The following SHISA6 variants were observed in gnomAD, a reference collection of about 807,000 sequenced individuals.
The protein encoded by SHISA6 is shisa family member 6, also known as protein shisa-6.
A neutral mutation model predicts 47.9 loss-of-function variants in SHISA6; 22 were observed. That is an observed-to-expected ratio of 0.46 (90% CI 0.33 to 0.66). The LOEUF is 0.66. Among genes scored for constraint, SHISA6 ranks in the 30% least tolerant of loss-of-function variants. SHISA6 has a pLI of 0.02. For missense variants in SHISA6, 680 were observed against 764.6 expected, an observed-to-expected ratio of 0.89 and a Z score of 1.30; for synonymous variants, 388 against 337.8, an observed-to-expected ratio of 1.15 and a Z score of -1.63.
intron 3 of SHISA6, among the ~76,000 whole-genome samples, chr17:11,510,904 C>T (rs531686013): frequency 2.0e-5 from 3 of 152,206 alleles, no homozygotes; most frequent in East Asian, 3.9e-4. Context: ...ACTCTAAAAC[C>T]CTGAGGTCAG....
chr17:11,352,472 G>A (rs778782191), intron 2 of SHISA6, among the ~76,000 whole-genome samples: 1 of 152,232 alleles, frequency 6.6e-6, no homozygotes, highest in Non-Finnish European at 1.5e-5. Context: ...GTGACTTCAA[G>A]TGGACTGCAA....
At chr17:11,435,045 A>C (rs2142292663) in intron 3 of SHISA6, among the ~76,000 whole-genome samples, 1 of 152,230 alleles carries the variant, frequency 6.6e-6, no homozygotes, top group South Asian at 2.1e-4. Context: ...TGAGGTCACA[A>C]GCGTGGGGCC....
intron 3 of SHISA6, among the ~76,000 whole-genome samples, chr17:11,497,342 T>C (rs906228553): frequency 1.3e-5 from 2 of 152,116 alleles, no homozygotes; most frequent in East Asian, 1.9e-4. Context: ...ATCTGATTTA[T>C]GGGTTAAAAT....
intron 2 of SHISA6, among the ~76,000 whole-genome samples, chr17:11,271,084 G>T (rs1225126676): frequency 6.6e-6 from 1 of 152,110 alleles, no homozygotes; most frequent in Non-Finnish European, 1.5e-5. Context: ...AAGCTCGGCT[G>T]TCAGGGAGAG....
intron 2 of SHISA6, among the ~76,000 whole-genome samples, chr17:11,278,238 C>A (rs1448533984): frequency 2.0e-5 from 3 of 152,166 alleles, no homozygotes. Context: ...TCTAAGGATG[C>A]TGTTTTTCCC....
At chr17:11,378,634 C>T (rs1481141503) in intron 2 of SHISA6, among the ~76,000 whole-genome samples, 1 of 152,158 alleles carries the variant, frequency 6.6e-6, no homozygotes, top group Non-Finnish European at 1.5e-5. Flanking sequence ...AACATTAACT[C>T]GGTTCTCTTT....
intron 3 of SHISA6, among the ~76,000 whole-genome samples, chr17:11,448,029 TCACCCAGGAC>T (rs2142302788): frequency 6.6e-6 from 1 of 152,240 alleles, no homozygotes; most frequent in Non-Finnish European, 1.5e-5. Context: ...CGATCGTGAC[TCACCCAGGAC>T]CTGGCATGTC....
In SHISA6 at chr17:11,561,757, C is replaced by G. The variant is rs1314209191; in HGVS notation, c.*3453C>G. 6.6e-6 allele frequency: 1 copy of G among 152,196 alleles called. No individual in the cohort carries two copies. The highest frequency in any genetic ancestry group is 1.5e-5 in the Non-Finnish European group (1 of 68,066). The allele number at this position is 152,196 out of a possible 1,614,324, so 9.4% of individuals were successfully genotyped here. A position where few individuals can be genotyped will look rare whatever the true frequency, so the allele number is the denominator to read the frequency against. On this transcript the variant is annotated 3_prime_UTR_variant, in exon 6 of 6. Transcript: ENST00000441885. ...CCATTCCTAATTTCTTTTCCCTGGT[C>G]TTGCTATAATCTCCAGCTCTAAAAA... is the stretch of plus-strand genomic sequence containing the variant.
chr17:11,502,205 C>A (rs923145127), intron 3 of SHISA6, among the ~76,000 whole-genome samples: 1 of 147,988 alleles, frequency 6.8e-6, no homozygotes, highest in Non-Finnish European at 1.5e-5. Context: ...GTCAGGAGAT[C>A]GAGACCATCC....
At position 11,554,771 on chromosome 17, in the gene SHISA6, G is replaced by A. The variant is rs552320793; in HGVS notation, c.953-969G>A. Among the ~76,000 whole-genome samples, 10 of 152,074 alleles carry A rather than the reference G, an allele frequency of 6.6e-5. No individual in the cohort carries two copies. The East Asian group carries it at 1.9e-3, about 30-fold the overall frequency. On this transcript the variant is annotated intron_variant, in intron 4 of 5. Coordinates refer to ENST00000441885, the MANE Select transcript of SHISA6 (RefSeq NM_207386.4). ...GTCTGTGAAGCACTGAGGCATGCTT[G>A]TCTTCTTCCCCAGGATCTCCAGCTC...
intron 1 of SHISA6, 34 bp from the exon 2 acceptor site, chr17:11,263,332 G>A (rs376606019): frequency 3.9e-6 from 6 of 1,550,138 alleles, no homozygotes; most frequent in African/African-American, 2.7e-5. Context: ...CACCTGCTCA[G>A]TGAATCTCAT....
chr17:11,410,028 A>G (rs1196283182), intron 3 of SHISA6, among the ~76,000 whole-genome samples: 2 of 152,224 alleles, frequency 1.3e-5, no homozygotes, highest in African/African-American at 4.8e-5. Context: ...TGTTAATGGA[A>G]GAGTTCAGGT....
chr17:11,435,219 A>G (rs896351078), intron 3 of SHISA6, among the ~76,000 whole-genome samples: 11 of 152,108 alleles, frequency 7.2e-5, no homozygotes, highest in African/African-American at 2.7e-4. Flanking sequence ...GAATAATATC[A>G]CATTATATTT....
chr17:11,277,685 A>G (rs1908973376), intron 2 of SHISA6, among the ~76,000 whole-genome samples: 1 of 152,144 alleles, frequency 6.6e-6, no homozygotes, highest in Non-Finnish European at 1.5e-5. Flanking sequence ...GAAAGAAGTC[A>G]GTTCAGGGAT....
intron 3 of SHISA6, among the ~76,000 whole-genome samples, chr17:11,513,227 ATATAG>A (rs1396391558): frequency 1.3e-5 from 2 of 150,974 alleles, no homozygotes; most frequent in Non-Finnish European, 1.5e-5. Flanking sequence ...TTATATATAT[ATATAG>A]TATATATACA....
chr17:11,443,069 C>T (rs79913615), intron 3 of SHISA6, among the ~76,000 whole-genome samples: 1,668 of 152,286 alleles, frequency 0.011, 26 homozygotes, highest in African/African-American at 0.037. Flanking sequence ...GCTCTCTCTC[C>T]CCCTGGCAGT....
At chr17:11,404,287 A>G (rs1346641309) in intron 3 of SHISA6, among the ~76,000 whole-genome samples, 1 of 152,202 alleles carries the variant, frequency 6.6e-6, no homozygotes, top group African/African-American at 2.4e-5. Flanking sequence ...GTCTATTGGC[A>G]AGAATCTGAC....
At chr17:11,293,377 A>G (rs1042951672) in intron 2 of SHISA6, among the ~76,000 whole-genome samples, 1 of 152,198 alleles carries the variant, frequency 6.6e-6, no homozygotes, top group African/African-American at 2.4e-5. Flanking sequence ...AAGGACGACT[A>G]CTACATGTTA....
chr17:11,557,158 A>G (rs1387816868), intron 5 of SHISA6, among the ~76,000 whole-genome samples: 1 of 152,194 alleles, frequency 6.6e-6, no homozygotes, highest in Non-Finnish European at 1.5e-5. Context: ...GTTACTACAG[A>G]GAAGGTGTTA....
Sources: gnomAD v4.1 joint callset for allele counts (sites outside exome capture counted in the v4.1 genomes callset) on GRCh38, gnomAD v4.1.1 for gene constraint, MANE v1.5 for transcripts, NCBI Gene and HGNC (gene_info 2026-07-23, HGNC 2026-07-21) for gene names.